The following TACR1 variants were observed in gnomAD, a reference collection of about 807,000 sequenced individuals.
The protein encoded by TACR1 is tachykinin receptor 1.
In TACR1, 25 loss-of-function variants were observed where a neutral mutation model predicts 35.8. The ratio of observed to expected loss-of-function variants is 0.70; its 90% CI spans 0.51 to 0.98. The LOEUF (loss-of-function observed/expected upper bound fraction) is 0.98. Ranked by LOEUF, TACR1 falls within the 50% of genes least tolerant of loss-of-function variation. TACR1 has a pLI of 0.00. For synonymous variants in TACR1, 195 were observed against 206.7 expected, an observed-to-expected ratio of 0.94 and a Z score of 0.48; for missense variants, 478 against 522.9, an observed-to-expected ratio of 0.91 and a Z score of 0.84.
chr2:75,170,275 A>G (rs1468985610), intron 1 of TACR1, among the ~76,000 whole-genome samples: 4 of 152,250 alleles, frequency 2.6e-5, no homozygotes, highest in African/African-American at 9.6e-5. Flanking sequence ...TATAAAGAGG[A>G]ATTCCCCTAC....
intron 2 of TACR1, among the ~76,000 whole-genome samples, chr2:75,095,910 T>C (rs1318572567): frequency 6.6e-6 from 1 of 152,176 alleles, no homozygotes; most frequent in East Asian, 1.9e-4. Flanking sequence ...AGGAGAAAGA[T>C]TCTCCTGGCC....
At chr2:75,092,108 A>G (rs150978942) in intron 2 of TACR1, among the ~76,000 whole-genome samples, 2,613 of 152,352 alleles carry the variant, frequency 0.017, 224 homozygotes, top group Admixed American at 0.13. Flanking sequence ...TCAAAAGCAC[A>G]TACACACACT....
intron 2 of TACR1, among the ~76,000 whole-genome samples, chr2:75,104,292 A>C (rs1465497540): frequency 6.6e-6 from 1 of 152,076 alleles, no homozygotes; most frequent in African/African-American, 2.4e-5. Context: ...AACTGCAAAA[A>C]GAGGAAAATA....
chr2:75,096,551 G>A (rs531060701), intron 2 of TACR1, among the ~76,000 whole-genome samples: 1 of 152,276 alleles, frequency 6.6e-6, no homozygotes, highest in East Asian at 1.9e-4. Flanking sequence ...ACTTTGTATT[G>A]TACAGGGCTA....
intron 2 of TACR1, among the ~76,000 whole-genome samples, chr2:75,075,958 G>A (rs1572914289): frequency 2.6e-5 from 4 of 152,334 alleles, no homozygotes; most frequent in Non-Finnish European, 1.5e-5. Context: ...TGTCTTCAGT[G>A]TGTATAAAGC....
At chr2:75,063,216 C>A (rs1418620127) in intron 2 of TACR1, among the ~76,000 whole-genome samples, 2 of 152,200 alleles carry the variant, frequency 1.3e-5, no homozygotes, top group Admixed American at 6.5e-5. Context: ...GGGGACACAG[C>A]CAAACCATAT....
rs573916786 is a variant in TACR1, at chr2:75,197,276, G to T, written c.389+1270C>A. ...AAAGGATGGAAATGAAGATTTCCCT[G>T]ATTTTAAAAGTGTTCATTGACTACA... On this transcript the variant is annotated intron_variant, in intron 1 of 4. Coordinates refer to ENST00000305249, the MANE Select transcript of TACR1 (RefSeq NM_001058.4). 3.5e-4 allele frequency among the ~76,000 whole-genome samples: 53 copies of T among 152,258 alleles called. No homozygotes were observed. In the South Asian group the frequency reaches 4.6e-3, roughly 13 times the overall value.
rs1434553942 is a variant in TACR1 at position 75,049,406 on chromosome 2, G to A, written c.*26C>T. 1 of 1,597,168 alleles carries A rather than the reference G, an allele frequency of 6.3e-7. No homozygotes were observed. The highest frequency in any genetic ancestry group is 1.1e-5 in the South Asian group (1 of 89,628). On this transcript the variant is annotated 3_prime_UTR_variant, in exon 5 of 5. Coordinates refer to ENST00000305249, the MANE Select transcript of TACR1 (RefSeq NM_001058.4). The stretch of plus-strand genomic sequence containing the variant: ...GGGAGGCAGGTCAAAGGCAGTGGGG[G>A]CTGCACCTGCCAAAGGCCCTGTGGC...
Position 75,053,725 on chromosome 2 carries a change from G to A in TACR1, c.615C>T (p.Tyr205=). ...VYHICVTVLI[Y]FLPLLVIGYA... is the part of the protein sequence containing the mutation. The stretch of plus-strand genomic sequence containing the variant: ...AGCCAATCACCAGCAGGGGGAGGAA[G>A]TAGATCAGCACAGTCACACAGATGT... The change falls in exon 3 of 5, where the codon TAC becomes TAT. Residue 205 remains tyrosine, a synonymous_variant. Coordinates refer to ENST00000305249, the MANE Select transcript of TACR1 (RefSeq NM_001058.4). 1.2e-6 allele frequency: 2 copies of A among 1,614,194 alleles called. No homozygotes were observed. Among genetic ancestry groups the A allele is most frequent in the East Asian group, 2.2e-5 (1 of 44,876 alleles).
chr2:75,136,438 G>A (rs547911618), intron 1 of TACR1, among the ~76,000 whole-genome samples: 2 of 152,266 alleles, frequency 1.3e-5, no homozygotes, highest in Non-Finnish European at 2.9e-5. Flanking sequence ...CCACTGACAG[G>A]TATGCACTTT....
intron 2 of TACR1, among the ~76,000 whole-genome samples, chr2:75,076,484 A>T (rs1672983082): frequency 6.6e-6 from 1 of 152,208 alleles, no homozygotes; most frequent in South Asian, 2.1e-4. Context: ...GTCAATTAGG[A>T]GGTGAGAGAG....
At chr2:75,162,561 A>G (rs1193406794) in intron 1 of TACR1, among the ~76,000 whole-genome samples, 1 of 152,258 alleles carries the variant, frequency 6.6e-6, no homozygotes, top group African/African-American at 2.4e-5. Context: ...GAAGTGAAAA[A>G]TGTATCAAAG....
chr2:75,129,567 G>A lies in TACR1; in HGVS notation c.390-8799C>T, dbSNP rs757349282. Among the ~76,000 whole-genome samples the A allele has an allele frequency of 3.3e-5, 5 of 152,130 alleles. No homozygotes were observed. In the East Asian group the frequency reaches 5.8e-4, roughly 18 times the overall value. ...TACCCTGATATGACCATTACACATC[G>A]TATAGATGTATCAAAATATCACACT... On this transcript the variant is annotated intron_variant, in intron 1 of 4. Coordinates refer to ENST00000305249, the MANE Select transcript of TACR1 (RefSeq NM_001058.4).
chr2:75,142,339 C>T (rs1674424459), intron 1 of TACR1, among the ~76,000 whole-genome samples: 1 of 152,182 alleles, frequency 6.6e-6, no homozygotes, highest in South Asian at 2.1e-4. Context: ...CCTCTCTTAT[C>T]CCCTGGGCCT....
chr2:75,176,038 CAG>C (rs1201757273), intron 1 of TACR1, among the ~76,000 whole-genome samples: 1 of 105,464 alleles, frequency 9.5e-6, no homozygotes, highest in Non-Finnish European at 2.1e-5. Flanking sequence ...AAAAAGGAAA[CAG>C]AAAAAAGAAA....
intron 2 of TACR1, 77 bp from the exon 3 acceptor site, chr2:75,053,832 C>A (rs1390805528): frequency 3.2e-6 from 5 of 1,572,550 alleles, no homozygotes; most frequent in Admixed American, 1.8e-5. Context: ...ATTGTTATTG[C>A]AGTCAAGGTT....
intron 1 of TACR1, among the ~76,000 whole-genome samples, chr2:75,150,947 T>C (rs191068086): frequency 6.6e-6 from 1 of 152,320 alleles, no homozygotes; most frequent in East Asian, 1.9e-4. Context: ...CTTGTTATGT[T>C]TTAGCAAAGA....
In TACR1 at chr2:75,198,966, G is replaced by C; in HGVS notation, c.-32C>G. Reference sequence around the variant, plus strand: ...GCTAGGCGGTAAAGCCCTACTATCTGTACACAACCCCCCTCTGCAGCAGAG... The same window carrying C: ...GCTAGGCGGTAAAGCCCTACTATCTCTACACAACCCCCCTCTGCAGCAGAG... On this transcript the variant is annotated 5_prime_UTR_variant, in exon 1 of 5. Transcript: ENST00000305249. 1 of 1,600,692 alleles carries C rather than the reference G, an allele frequency of 6.2e-7. No homozygotes were observed. Among genetic ancestry groups the C allele is most frequent in the African/African-American group, 1.3e-5 (1 of 74,882 alleles).
chr2:75,197,667 A>G (rs559802558), intron 1 of TACR1, among the ~76,000 whole-genome samples: 3 of 152,094 alleles, frequency 2.0e-5, no homozygotes, highest in African/African-American at 4.8e-5. Context: ...TGAAATGCCA[A>G]CCTTTTCACT....
Sources: allele counts gnomAD v4.1 joint callset (sites outside exome capture counted in the v4.1 genomes callset), GRCh38; gene constraint gnomAD v4.1.1; transcripts MANE v1.5; gene names NCBI Gene and HGNC (gene_info 2026-07-23, HGNC 2026-07-21).